RPS6KA2: variants seen among roughly 807,000 people sequenced by gnomAD.
RPS6KA2 encodes ribosomal protein S6 kinase alpha-2.
A neutral mutation model predicts 91.8 loss-of-function variants in RPS6KA2; 42 were observed. The ratio of observed to expected loss-of-function variants is 0.46; its 90% confidence interval spans 0.36 to 0.59. The LOEUF is 0.59. RPS6KA2 is among the 20% of genes least tolerant of loss of function. The probability of loss-of-function intolerance (pLI) is 0.00; values close to 1 mark genes in which losing one functional copy is unlikely to be tolerated. For synonymous variants in RPS6KA2, 414 were observed against 393.6 expected, an observed-to-expected ratio of 1.05 and a Z score of -0.61; for missense variants, 798 against 978.5, an observed-to-expected ratio of 0.82 and a Z score of 2.46.
chr6:166,790,531 C>T (rs1276254626), intron 2 of RPS6KA2, among the ~76,000 whole-genome samples: 1 of 151,914 alleles, frequency 6.6e-6, no homozygotes. Flanking sequence ...AGATACTCCT[C>T]GAGAAGAGCA....
Position 166,744,377 on chromosome 6 carries a change from C to T in RPS6KA2, c.123+113823G>A, listed in dbSNP as rs994981484. Among the ~76,000 whole-genome samples the T allele has an allele frequency of 3.3e-5, 5 of 152,266 alleles. No individual in the cohort carries two copies. The East Asian group carries it at 5.8e-4, about 18-fold the overall frequency. ...CTGGCCTCGCCGCAGACCTGAGACG[C>T]GGCCCCGGGCCCGGGGAGTCGGAGG... is the stretch of plus-strand genomic sequence containing the variant. On this transcript the variant is annotated intron_variant, in intron 2 of 21. Transcript: ENST00000503859.
chr6:166,507,373 C>A (rs1054361689), intron 5 of RPS6KA2, among the ~76,000 whole-genome samples: 3 of 151,310 alleles, frequency 2.0e-5, no homozygotes, highest in African/African-American at 7.3e-5. Context: ...ACCCAACACA[C>A]ACACACACAC....
chr6:166,700,513 C>T (rs934920875), intron 2 of RPS6KA2, among the ~76,000 whole-genome samples: 2 of 151,920 alleles, frequency 1.3e-5, no homozygotes, highest in African/African-American at 4.8e-5. Context: ...AACAATTTTG[C>T]TTTTCATTGT....
At chr6:166,833,897 CT>C (rs537535434) in intron 2 of RPS6KA2, among the ~76,000 whole-genome samples, 3 of 150,522 alleles carry the variant, frequency 2.0e-5, no homozygotes, top group African/African-American at 7.3e-5. Flanking sequence ...TTCTTTCTTT[CT>C]TTTTTTTTCT....
intron 2 of RPS6KA2, among the ~76,000 whole-genome samples, chr6:166,686,517 C>T (rs1789021311): frequency 6.6e-6 from 1 of 152,232 alleles, no homozygotes; most frequent in African/African-American, 2.4e-5. Context: ...CACCCAAGGC[C>T]ATGTGGCTTC....
chr6:166,680,716 C>A (rs570331254), intron 2 of RPS6KA2, among the ~76,000 whole-genome samples: 8 of 152,316 alleles, frequency 5.3e-5, no homozygotes, highest in African/African-American at 1.9e-4. Context: ...GGAAAAAATT[C>A]TGGACATATC....
At chr6:166,855,153 G>T (rs1780852865) in intron 2 of RPS6KA2, among the ~76,000 whole-genome samples, 1 of 152,124 alleles carries the variant, frequency 6.6e-6, no homozygotes. Context: ...CATAGAGGGG[G>T]AAGAGTAAAC....
chr6:166,480,100 A>G (rs907851585), intron 10 of RPS6KA2, among the ~76,000 whole-genome samples: 6 of 152,082 alleles, frequency 3.9e-5, no homozygotes, highest in African/African-American at 1.4e-4. Flanking sequence ...TACTTGGGTG[A>G]GGTGCATGTG....
chr6:166,554,351 C>T lies in RPS6KA2; in HGVS notation c.100-15567G>A, dbSNP rs1387955285. ...ACTAACATATTCCCAGACTGTCAGGCCAGTTTTATGAAGCTGAATGTGATA... is the reference window on the plus strand; with the variant it reads ...ACTAACATATTCCCAGACTGTCAGGTCAGTTTTATGAAGCTGAATGTGATA... On this transcript the variant is annotated intron_variant, in intron 1 of 20. Coordinates refer to ENST00000265678, the MANE Select transcript of RPS6KA2 (RefSeq NM_021135.6). This position sits in a 1 kb window ranked among gnomAD's most constrained non-coding sequence, Gnocchi z 4.3. Among the ~76,000 whole-genome samples, 16 of 152,210 alleles carry T rather than the reference C, an allele frequency of 1.1e-4. No homozygotes were observed. The highest frequency in any genetic ancestry group is 1.8e-4 in the Non-Finnish European group (12 of 68,036).
At chr6:166,724,686 T>G (rs904779168) in intron 2 of RPS6KA2, among the ~76,000 whole-genome samples, 1 of 152,232 alleles carries the variant, frequency 6.6e-6, no homozygotes, top group Non-Finnish European at 1.5e-5. Context: ...TGTGGCCATT[T>G]GGCCTGGTTT....
chr6:166,716,876 T>C (rs1430465010), intron 2 of RPS6KA2, among the ~76,000 whole-genome samples: 2 of 140,016 alleles, frequency 1.4e-5, no homozygotes. Flanking sequence ...GTCAAAACAC[T>C]GTAACCGAAA....
chr6:166,738,907 C>G (rs974389942), intron 2 of RPS6KA2, among the ~76,000 whole-genome samples: 2 of 152,192 alleles, frequency 1.3e-5, no homozygotes, highest in Non-Finnish European at 2.9e-5. Context: ...AAGCTTTACA[C>G]AGCAAATATG....
intron 2 of RPS6KA2, among the ~76,000 whole-genome samples, chr6:166,755,847 T>C (rs1384783380): frequency 2.4e-4 from 36 of 152,292 alleles, no homozygotes; most frequent in African/African-American, 9.6e-5. Flanking sequence ...AGGGCTGAGC[T>C]GGGTAAGGAG....
intron 1 of RPS6KA2, among the ~76,000 whole-genome samples, chr6:166,559,617 G>T (rs3823204): frequency 0.095 from 14,401 of 152,138 alleles, 894 homozygotes; most frequent in East Asian, 0.24. Flanking sequence ...CGATAAGCAG[G>T]GCCTCCTAAA....
intron 1 of RPS6KA2, among the ~76,000 whole-genome samples, chr6:166,621,575 CACA>C (rs1408808341): frequency 6.6e-6 from 1 of 152,192 alleles, no homozygotes; most frequent in African/African-American, 2.4e-5. Context: ...GAAAATGCAA[CACA>C]ACCTAATTCA....
At position 166,517,995 on chromosome 6, in the gene RPS6KA2, C is replaced by A. The variant is rs6902908; in HGVS notation, c.299-7638G>T. Reference sequence around the variant, plus strand: ...TCTTAGCTCTGAGGCTGTGAGACCCCTGATTTCCCACTCCACACGCTATAT... The same window carrying A: ...TCTTAGCTCTGAGGCTGTGAGACCCATGATTTCCCACTCCACACGCTATAT... On this transcript the variant is annotated intron_variant, in intron 3 of 20. Transcript: ENST00000265678. Among the ~76,000 whole-genome samples the A allele has an allele frequency of 8.5e-3, 1,297 of 152,236 alleles. 13 individuals carry two copies. The highest frequency in any genetic ancestry group is 0.028 in the African/African-American group (1,170 of 41,526).
At chr6:166,602,152 C>T (rs537131315) in intron 1 of RPS6KA2, among the ~76,000 whole-genome samples, 18 of 152,318 alleles carry the variant, frequency 1.2e-4, no homozygotes, top group African/African-American at 3.6e-4. Context: ...GTTCCGGCCA[C>T]GGTGGGACAC....
At position 166,533,733 on chromosome 6, in the gene RPS6KA2, C is replaced by T. The variant is rs936148907; in HGVS notation, c.217-2420G>A. Among the ~76,000 whole-genome samples, 2 of 152,162 alleles carry T rather than the reference C, an allele frequency of 1.3e-5. No homozygotes were observed. Among genetic ancestry groups the T allele is most frequent in the Non-Finnish European group, 2.9e-5 (2 of 68,012 alleles). ...TGGTAGGGTGACAGATGAATCTATC[C>T]ATTCCATTGCGGCGAAGCTGACATG... On this transcript the variant is annotated intron_variant, in intron 2 of 20. Coordinates refer to ENST00000265678, the MANE Select transcript of RPS6KA2 (RefSeq NM_021135.6). The surrounding 1 kb of genome is among the most constrained non-coding windows in gnomAD (Gnocchi z 4.0).
Position 166,494,208 on chromosome 6 carries a change from G to C in RPS6KA2, c.748-3467C>G, listed in dbSNP as rs950355993. ...GAGAGCTGTGTTGATCCATGCCCAT[G>C]TGTGGAGGTCCCTGTGTGCACAGAC... On this transcript the variant is annotated intron_variant, in intron 8 of 20. Coordinates refer to ENST00000265678, the MANE Select transcript of RPS6KA2 (RefSeq NM_021135.6). This position sits in a 1 kb window ranked among gnomAD's most constrained non-coding sequence, Gnocchi z 5.1. Among the ~76,000 whole-genome samples the C allele has an allele frequency of 2.0e-5, 3 of 152,250 alleles. No homozygotes were observed. The highest frequency in any genetic ancestry group is 4.4e-5 in the Non-Finnish European group (3 of 68,050).
Sources: gnomAD v4.1 joint callset for allele counts (sites outside exome capture counted in the v4.1 genomes callset) on GRCh38, gnomAD v4.1.1 for gene constraint, Gnocchi (gnomAD v3.1) non-coding constraint, MANE v1.5 for transcripts, NCBI Gene and HGNC (gene_info 2026-07-23, HGNC 2026-07-21) for gene names.